Variants in ADAM12 observed in about 807,000 individuals in gnomAD.
The protein encoded by ADAM12 is disintegrin and metalloproteinase domain-containing protein 12.
A neutral mutation model predicts 106.4 loss-of-function variants in ADAM12; 70 were observed. The observed-to-expected ratio is 0.66, with a 90% CI of 0.54 to 0.80. ADAM12 has a LOEUF of 0.80. Ranked by LOEUF, ADAM12 falls within the 30% of genes least tolerant of loss-of-function variation. The pLI, the probability that ADAM12 is intolerant of heterozygous loss-of-function variation, is 0.00. For synonymous variants in ADAM12, 420 were observed against 433.5 expected, an observed-to-expected ratio of 0.97 and a Z score of 0.39; for missense variants, 1,010 against 1,171.9, an observed-to-expected ratio of 0.86 and a Z score of 2.02.
chr10:126,206,646 T>C (rs985003492), intron 3 of ADAM12, among the ~76,000 whole-genome samples: 2 of 152,164 alleles, frequency 1.3e-5, no homozygotes, highest in Non-Finnish European at 2.9e-5. Flanking sequence ...AATTATAAGA[T>C]TACATGGCTG....
intron 3 of ADAM12, among the ~76,000 whole-genome samples, chr10:126,194,166 T>G (rs1161539821): frequency 1.3e-5 from 2 of 151,430 alleles, no homozygotes; most frequent in South Asian, 4.2e-4. Flanking sequence ...CAGCGTGTTA[T>G]GTAAGTAAAT....
intron 2 of ADAM12, among the ~76,000 whole-genome samples, chr10:126,325,111 A>G (rs1014453170): frequency 6.6e-6 from 1 of 152,168 alleles, no homozygotes; most frequent in Non-Finnish European, 1.5e-5. Flanking sequence ...GAGCCAGGAA[A>G]GCTAATGAAA....
chr10:126,103,161 G>C (rs1313562759), intron 8 of ADAM12, among the ~76,000 whole-genome samples: 1 of 152,148 alleles, frequency 6.6e-6, no homozygotes, highest in African/African-American at 2.4e-5. Context: ...ATAATGATGG[G>C]TTTTGCATCT....
At chr10:126,127,129 G>C (rs1956219403) in intron 5 of ADAM12, among the ~76,000 whole-genome samples, 1 of 152,312 alleles carries the variant, frequency 6.6e-6, no homozygotes, top group Non-Finnish European at 1.5e-5. Flanking sequence ...TGGGCCCCCA[G>C]GGATGGCTCT....
intron 1 of ADAM12, among the ~76,000 whole-genome samples, 165 bp downstream of exon 1, chr10:126,387,893 G>GC (rs975596457): frequency 1.5e-5 from 2 of 131,864 alleles, no homozygotes; most frequent in Non-Finnish European, 3.5e-5. Flanking sequence ...GGCACCTGGG[G>GC]GGGGGGGGTC....
At chr10:126,073,175 G>A (rs12761405) in intron 11 of ADAM12, among the ~76,000 whole-genome samples, 25,365 of 152,080 alleles carry the variant, frequency 0.17, 2,727 homozygotes, top group East Asian at 0.26. Context: ...TGCAACCTCC[G>A]CCTCCCGGAT....
chr10:126,310,265 T>C (rs912627066), intron 2 of ADAM12, among the ~76,000 whole-genome samples: 3 of 151,850 alleles, frequency 2.0e-5, no homozygotes, highest in Non-Finnish European at 4.4e-5. Flanking sequence ...CCCTGGGAGT[T>C]GCATACATTT....
intron 1 of ADAM12, among the ~76,000 whole-genome samples, chr10:126,338,692 C>G (rs1381501612): frequency 1.3e-5 from 2 of 152,168 alleles, no homozygotes; most frequent in Non-Finnish European, 2.9e-5. Flanking sequence ...TGGCAAAACC[C>G]AAGCCCTTTG....
chr10:126,017,410 G>T lies in ADAM12; in HGVS notation c.2661-71C>A, dbSNP rs770816000. 4 of 1,406,540 alleles carry T rather than the reference G, an allele frequency of 2.8e-6. No homozygotes were observed. In the African/African-American group the frequency reaches 4.3e-5, roughly 15 times the overall value. 87.1% of individuals were successfully genotyped at this position (1,406,540 alleles called of 1,614,324 possible). A position where few individuals can be genotyped will look rare whatever the true frequency, so the allele number is the denominator to read the frequency against. On this transcript the variant is annotated intron_variant, in intron 22 of 22. Transcript: ENST00000448723. ...GTGATTCTGAGGATAGAGAGGTCTG[G>T]GGTTGGAGATGTATTCTGATAGTCT...
intron 19 of ADAM12, 42 bp downstream of exon 19, chr10:126,039,252 G>A (rs769710342): frequency 6.2e-7 from 1 of 1,608,382 alleles, no homozygotes; most frequent in Admixed American, 1.7e-5. Flanking sequence ...CAGCCTCTGA[G>A]CCACCATTTC....
chr10:126,323,003 G>T (rs530148142), intron 2 of ADAM12, among the ~76,000 whole-genome samples: 30 of 152,124 alleles, frequency 2.0e-4, no homozygotes, highest in Non-Finnish European at 4.1e-4. Flanking sequence ...TGGGGTTGGG[G>T]TTCCCACAGA....
intron 2 of ADAM12, among the ~76,000 whole-genome samples, chr10:126,304,141 T>C (rs1042886258): frequency 3.9e-5 from 6 of 152,036 alleles, no homozygotes; most frequent in Non-Finnish European, 7.4e-5. Flanking sequence ...TGAAACACTC[T>C]AAGAAAGGCC....
At chr10:126,166,625 C>G (rs372802131) in intron 3 of ADAM12, among the ~76,000 whole-genome samples, 1 of 152,106 alleles carries the variant, frequency 6.6e-6, no homozygotes, top group African/African-American at 2.4e-5. Context: ...CAGCCTCCCG[C>G]GTAGCTGAGA....
At chr10:126,141,259 C>T (rs1368371449) in intron 4 of ADAM12, among the ~76,000 whole-genome samples, 3 of 152,228 alleles carry the variant, frequency 2.0e-5, no homozygotes, top group Non-Finnish European at 4.4e-5. Context: ...CTGTTCCTCT[C>T]TCTGATTGCC....
intron 3 of ADAM12, among the ~76,000 whole-genome samples, chr10:126,237,545 T>G (rs2133642037): frequency 6.6e-6 from 1 of 152,332 alleles, no homozygotes; most frequent in East Asian, 1.9e-4. Context: ...AAAACATTTC[T>G]TATCTACAAT....
chr10:126,251,470 G>T (rs1313360989), intron 3 of ADAM12, among the ~76,000 whole-genome samples: 8 of 22,400 alleles, frequency 3.6e-4, no homozygotes, highest in African/African-American at 1.8e-3. Flanking sequence ...GGATGGGATG[G>T]ATGGGATGGA....
At chr10:126,124,298 T>A (rs1469676089) in intron 5 of ADAM12, among the ~76,000 whole-genome samples, 1 of 152,114 alleles carries the variant, frequency 6.6e-6, no homozygotes, top group African/African-American at 2.4e-5. Flanking sequence ...TCGGCTTTTT[T>A]TTTTTTTGGA....
At chr10:126,295,545 A>C (rs1960331222) in intron 2 of ADAM12, among the ~76,000 whole-genome samples, 1 of 148,040 alleles carries the variant, frequency 6.8e-6, no homozygotes, top group Non-Finnish European at 1.5e-5. Flanking sequence ...ACACACACAC[A>C]CATACACACA....
chr10:126,107,212 C>A (rs559083443), intron 8 of ADAM12, among the ~76,000 whole-genome samples: 3 of 152,280 alleles, frequency 2.0e-5, no homozygotes, highest in South Asian at 2.1e-4. Context: ...TGAAACTGAA[C>A]TTACCTTTGA....
Sources: gnomAD v4.1 joint callset for allele counts (sites outside exome capture counted in the v4.1 genomes callset) on GRCh38, gnomAD v4.1.1 for gene constraint, MANE v1.5 for transcripts, NCBI Gene and HGNC (gene_info 2026-07-23, HGNC 2026-07-21) for gene names.